SCAPER: variants seen among roughly 807,000 people sequenced by gnomAD.
SCAPER encodes the protein S phase cyclin A-associated protein in the endoplasmic reticulum.
SCAPER carries 98 observed loss-of-function variants against 182.2 expected under a neutral mutation model. The ratio of observed to expected loss-of-function variants is 0.54; its 90% CI spans 0.46 to 0.64. SCAPER has a LOEUF of 0.64. SCAPER is among the 30% of genes least tolerant of loss of function. SCAPER has a pLI of 0.00. For synonymous variants in SCAPER, 605 were observed against 564.6 expected, an observed-to-expected ratio of 1.07 and a Z score of -1.01; for missense variants, 1,432 against 1,690.0, an observed-to-expected ratio of 0.85 and a Z score of 2.68.
At chr15:76,423,662 C>A (rs1276065736) in intron 26 of SCAPER, among the ~76,000 whole-genome samples, 1 of 152,120 alleles carries the variant, frequency 6.6e-6, no homozygotes, top group Non-Finnish European at 1.5e-5. Context: ...CTTCTGCTAG[C>A]TTTTGAATGT....
At chr15:76,849,204 A>C (rs1348425035) in intron 4 of SCAPER, among the ~76,000 whole-genome samples, 1 of 152,210 alleles carries the variant, frequency 6.6e-6, no homozygotes, top group Non-Finnish European at 1.5e-5. Context: ...CAGTGGCTGA[A>C]CACCCTCAGT....
chr15:76,454,252 T>G (rs2142873935), intron 25 of SCAPER, among the ~76,000 whole-genome samples: 2 of 152,318 alleles, frequency 1.3e-5, no homozygotes, highest in South Asian at 4.1e-4. Context: ...GGAACTTTCC[T>G]CTGACCCCTG....
intron 29 of SCAPER, among the ~76,000 whole-genome samples, chr15:76,369,835 C>T (rs989118712): frequency 9.9e-5 from 15 of 152,164 alleles, no homozygotes; most frequent in South Asian, 4.1e-4. Context: ...GCCCTTGCCC[C>T]GCAGCCTGAC....
chr15:76,805,964 T>C (rs2066132236), intron 5 of SCAPER, among the ~76,000 whole-genome samples: 1 of 152,236 alleles, frequency 6.6e-6, no homozygotes, highest in African/African-American at 2.4e-5. Context: ...AAGTTCTTTA[T>C]ATATTCTAGG....
chr15:76,405,320 C>T (rs1047220637), intron 26 of SCAPER, among the ~76,000 whole-genome samples: 1 of 151,622 alleles, frequency 6.6e-6, no homozygotes, highest in African/African-American at 2.4e-5. Flanking sequence ...TTTGCTATAG[C>T]TGCCCAGGCT....
At chr15:76,677,652 TAAAG>T (rs2057443994) in intron 20 of SCAPER, among the ~76,000 whole-genome samples, 2 of 151,364 alleles carry the variant, frequency 1.3e-5, no homozygotes, top group African/African-American at 4.9e-5. Flanking sequence ...ATAATGTACA[TAAAG>T]AAACTAATAC....
intron 2 of SCAPER, among the ~76,000 whole-genome samples, chr15:76,878,777 AAAAG>A (rs2073349572): frequency 6.6e-6 from 1 of 152,092 alleles, no homozygotes; most frequent in Non-Finnish European, 1.5e-5. Context: ...AAAAAAGAAA[AAAAG>A]AAGAGGAAGA....
chr15:76,477,369 C>A (rs531222318), intron 24 of SCAPER, among the ~76,000 whole-genome samples: 1 of 152,268 alleles, frequency 6.6e-6, no homozygotes, highest in African/African-American at 2.4e-5. Context: ...AGAGAGCCAT[C>A]TTATATGACT....
At chr15:76,553,367 G>A (rs2045935044) in intron 23 of SCAPER, among the ~76,000 whole-genome samples, 1 of 152,186 alleles carries the variant, frequency 6.6e-6, no homozygotes, top group South Asian at 2.1e-4. Context: ...CAGTACCCCT[G>A]TCACCACATG....
chr15:76,446,842 C>T (rs1250178781), intron 25 of SCAPER, among the ~76,000 whole-genome samples: 1 of 152,172 alleles, frequency 6.6e-6, no homozygotes, highest in African/African-American at 2.4e-5. Context: ...TTGACTTTAT[C>T]ATGGTGTGAA....
intron 23 of SCAPER, among the ~76,000 whole-genome samples, chr15:76,522,452 A>G (rs1476601580): frequency 6.6e-6 from 1 of 152,144 alleles, no homozygotes; most frequent in African/African-American, 2.4e-5. Context: ...TATTTTGAGG[A>G]AAAAGTAAAA....
chr15:76,592,149 ATATATAGGT>A lies in SCAPER; in HGVS notation c.2712-17874_2712-17866del, dbSNP rs1459150746. On this transcript the variant is annotated intron_variant, in intron 22 of 31. Coordinates refer to ENST00000563290, the MANE Select transcript of SCAPER (RefSeq NM_020843.4). ...ATATATATAGAGAGATATATAGGTA[ATATATAGGT>A]TATATAGGTTCTACATATAGGTATA... 2.0e-5 allele frequency among the ~76,000 whole-genome samples: 3 copies of A among 151,938 alleles called. No individual in the cohort carries two copies. The East Asian group carries it at 5.8e-4, about 29-fold the overall frequency.
At chr15:76,719,982 G>A (rs1298330644) in intron 17 of SCAPER, among the ~76,000 whole-genome samples, 1 of 151,582 alleles carries the variant, frequency 6.6e-6, no homozygotes, top group East Asian at 1.9e-4. Flanking sequence ...ACAACGTGCA[G>A]GTTTGTTACA....
At chr15:76,573,525 T>C (rs1233929635) in intron 23 of SCAPER, among the ~76,000 whole-genome samples, 1 of 152,012 alleles carries the variant, frequency 6.6e-6, no homozygotes, top group Non-Finnish European at 1.5e-5. Flanking sequence ...GTTCATTCCA[T>C]TAAAGATTTT....
chr15:76,351,391 T>C, intron 30 of SCAPER, 103 bp from the exon 31 acceptor site: 1 of 976,620 alleles, frequency 1.0e-6, no homozygotes, highest in Non-Finnish European at 1.5e-6. Context: ...CACTTTTGTA[T>C]GAATATTTTG....
At chr15:76,513,387 A>T (rs769210887) in intron 23 of SCAPER, among the ~76,000 whole-genome samples, 1 of 152,188 alleles carries the variant, frequency 6.6e-6, no homozygotes. Context: ...CAATCCTGTG[A>T]TATTAGAGAT....
intron 20 of SCAPER, among the ~76,000 whole-genome samples, chr15:76,686,262 CACAG>C (rs2058034846): frequency 6.6e-6 from 1 of 151,860 alleles, no homozygotes; most frequent in Non-Finnish European, 1.5e-5. Flanking sequence ...GCAGAACAGC[CACAG>C]ACATTCTACA....
intron 22 of SCAPER, among the ~76,000 whole-genome samples, chr15:76,603,175 T>C (rs891702343): frequency 1.7e-5 from 2 of 119,146 alleles, no homozygotes; most frequent in African/African-American, 5.1e-5. Flanking sequence ...CCTAATGATA[T>C]CCCTCCCCCT....
chr15:76,553,227 G>A (rs1362697148), intron 23 of SCAPER, among the ~76,000 whole-genome samples: 2 of 152,204 alleles, frequency 1.3e-5, no homozygotes, highest in Admixed American at 1.3e-4. Context: ...CGTAGAGCAT[G>A]CTGCTGCATT....
Sources: gnomAD v4.1 joint callset for allele counts (sites outside exome capture counted in the v4.1 genomes callset) on GRCh38, gnomAD v4.1.1 for gene constraint, MANE v1.5 for transcripts, NCBI Gene and HGNC (gene_info 2026-07-23, HGNC 2026-07-21) for gene names.